RBM34: variants seen among roughly 807,000 people sequenced by gnomAD.
RBM34 encodes RNA binding motif protein 34, also known as RNA-binding protein 34.
Under a neutral mutation model 44.6 loss-of-function variants are expected in RBM34, and 39 were observed. The ratio of observed to expected loss-of-function variants is 0.87; its 90% CI spans 0.68 to 1.14. The LOEUF (loss-of-function observed/expected upper bound fraction) is 1.14, where lower values mean the gene tolerates loss of function less well. Among genes scored for constraint, RBM34 ranks in the 50% most tolerant of loss-of-function variants. The pLI, the probability that RBM34 is intolerant of heterozygous loss-of-function variation, is 0.00. For missense variants in RBM34, 572 were observed against 517.9 expected (o/e 1.10, Z -1.01); for synonymous variants, 194 against 184.0 (o/e 1.05, Z -0.44).
chr1:235,135,817 T>A, intron 9 of RBM34, 47 bp from the exon 10 acceptor site: 1 of 1,515,296 alleles, frequency 6.6e-7, no homozygotes, highest in Non-Finnish European at 9.2e-7. Flanking sequence ...TGGGAGCCCC[T>A]CAGAAACATG....
intron 6 of RBM34, among the ~76,000 whole-genome samples, chr1:235,144,300 A>C (rs1203156782): frequency 1.1e-5 from 1 of 88,608 alleles, no homozygotes; most frequent in Non-Finnish European, 3.0e-5. Context: ...AAACTAACAC[A>C]TAGAGACAGA....
Position 235,159,794 on chromosome 1 carries a change from G to A in RBM34, c.365+717C>T, listed in dbSNP as rs182996064. Among the ~76,000 whole-genome samples, 89 of 150,510 alleles carry A rather than the reference G, an allele frequency of 5.9e-4. 1 individual carries two copies. The highest frequency in any genetic ancestry group is 3.4e-3 in the Middle Eastern group (1 of 294). On this transcript the variant is annotated intron_variant, in intron 3 of 10. Transcript: ENST00000408888. ...GAGGCAGGAAAAATCACTTAAACCC[G>A]GGAGGTGGAGGTTGCAGTGAGCTGA...
intron 3 of RBM34, among the ~76,000 whole-genome samples, chr1:235,155,864 TATAC>T (rs1553275377): frequency 4.9e-5 from 4 of 81,122 alleles, no homozygotes; most frequent in African/African-American, 2.0e-4. Flanking sequence ...TATATATATA[TATAC>T]ATATATACTT....
chr1:235,144,983 C>A (rs1003845225), intron 6 of RBM34, among the ~76,000 whole-genome samples: 1 of 152,140 alleles, frequency 6.6e-6, no homozygotes, highest in Non-Finnish European at 1.5e-5. Flanking sequence ...GCGGAGATTA[C>A]GGTGAGCTGA....
chr1:235,148,577 T>A, intron 5 of RBM34, 130 bp from the exon 6 acceptor site: 40 of 553,332 alleles, frequency 7.2e-5, no homozygotes, highest in Non-Finnish European at 1.1e-4. Flanking sequence ...AATAAACAAA[T>A]CAGAAACAAC....
chr1:235,154,397 A>C (rs1415290469), intron 4 of RBM34, among the ~76,000 whole-genome samples: 1 of 147,222 alleles, frequency 6.8e-6, no homozygotes, highest in Non-Finnish European at 1.5e-5. Context: ...CATAGTCACA[A>C]AAAAAAAAAC....
At chr1:235,146,354 G>A (rs1296756223) in intron 6 of RBM34, among the ~76,000 whole-genome samples, 1 of 152,054 alleles carries the variant, frequency 6.6e-6, no homozygotes, top group Non-Finnish European at 1.5e-5. Context: ...CTAAGAAAAA[G>A]GGCATTTTTA....
intron 4 of RBM34, 104 bp from the exon 5 acceptor site, chr1:235,152,869 GC>G: frequency 1.1e-6 from 1 of 886,194 alleles, no homozygotes; most frequent in Non-Finnish European, 1.6e-6. Flanking sequence ...CTACTGCCAG[GC>G]TTTTTTTTTT....
chr1:235,136,209 T>C, intron 8 of RBM34, 136 bp from the exon 9 acceptor site: 1 of 720,356 alleles, frequency 1.4e-6, no homozygotes, highest in Non-Finnish European at 2.4e-6. Flanking sequence ...ATCATGTTCT[T>C]TGATTCTGTT....
intron 8 of RBM34, 189 bp from the exon 9 acceptor site, chr1:235,136,262 G>A (rs1460594062): frequency 3.2e-6 from 2 of 616,544 alleles, no homozygotes; most frequent in Non-Finnish European, 2.9e-6. Flanking sequence ...TACCAGAGGA[G>A]GGGAGTGACC....
chr1:235,151,843 G>A (rs1394255421), intron 5 of RBM34, among the ~76,000 whole-genome samples: 2 of 152,014 alleles, frequency 1.3e-5, no homozygotes, highest in Non-Finnish European at 2.9e-5. Flanking sequence ...GACCAGTCTG[G>A]ATAACATGGT....
chr1:235,143,985 TCTGGG>T (rs2102840458), intron 6 of RBM34, among the ~76,000 whole-genome samples: 1 of 152,192 alleles, frequency 6.6e-6, no homozygotes, highest in African/African-American at 2.4e-5. Flanking sequence ...TCAGGACCAG[TCTGGG>T]CATTAGTGAC....
chr1:235,154,312 T>C (rs1662302255), intron 4 of RBM34, among the ~76,000 whole-genome samples: 1 of 150,792 alleles, frequency 6.6e-6, no homozygotes, highest in Admixed American at 6.6e-5. Flanking sequence ...TGGCTCATGC[T>C]TGAAGTCCCA....
chr1:235,151,459 T>C (rs1662154554), intron 5 of RBM34, among the ~76,000 whole-genome samples: 1 of 152,118 alleles, frequency 6.6e-6, no homozygotes, highest in South Asian at 2.1e-4. Context: ...CTGACAGAAA[T>C]TATGGGCACT....
At chr1:235,139,742 G>A (rs1029475743) in intron 6 of RBM34, among the ~76,000 whole-genome samples, 9 of 152,232 alleles carry the variant, frequency 5.9e-5, no homozygotes, top group Admixed American at 2.6e-4. Flanking sequence ...CAGAGCTGAA[G>A]TCTTGGGGAA....
Position 235,139,672 on chromosome 1 carries a change from C to G in RBM34, c.702-1498G>C, listed in dbSNP as rs1008184188. Among the ~76,000 whole-genome samples the G allele has an allele frequency of 2.6e-5, 4 of 152,214 alleles. No homozygotes were observed. In the East Asian group the frequency reaches 7.7e-4, roughly 29 times the overall value. Reference sequence around the variant, plus strand: ...AGCCAGAAAGTGCATCACTCCTGCTCTTACCAGTTAAGAAGAAACCAGATA... The same window carrying G: ...AGCCAGAAAGTGCATCACTCCTGCTGTTACCAGTTAAGAAGAAACCAGATA... On this transcript the variant is annotated intron_variant, in intron 6 of 10. Coordinates refer to ENST00000408888, the MANE Select transcript of RBM34 (RefSeq NM_015014.4).
chr1:235,138,428 T>C (rs1039322190), intron 6 of RBM34, among the ~76,000 whole-genome samples: 3 of 152,204 alleles, frequency 2.0e-5, no homozygotes, highest in Non-Finnish European at 4.4e-5. Context: ...AGATGAACCA[T>C]GTATATGAAT....
intron 10 of RBM34, among the ~76,000 whole-genome samples, chr1:235,132,545 A>C (rs567296103): frequency 6.6e-6 from 1 of 152,168 alleles, no homozygotes; most frequent in East Asian, 1.9e-4. Context: ...TTGACCTTGT[A>C]ATCTGCCCAC....
At position 235,131,499 on chromosome 1, in the gene RBM34, A is replaced by T. The variant is rs181031606; in HGVS notation, c.*214T>A. 728 of 511,944 alleles carry T rather than the reference A, an allele frequency of 1.4e-3. 3 individuals carry two copies. The highest frequency in any genetic ancestry group is 3.4e-4 in the Non-Finnish European group (104 of 305,044). 31.7% of individuals were successfully genotyped at this position (511,944 alleles called of 1,614,324 possible). A position where few individuals can be genotyped will look rare whatever the true frequency, so the allele number is the denominator to read the frequency against. ...CTCCAGCCTGGGAGACAACAGCCAA[A>T]CTCCATCTCAAAAAACAAAACAAAA... On this transcript the variant is annotated 3_prime_UTR_variant, in exon 11 of 11. Transcript: ENST00000408888.
Sources: gnomAD v4.1 joint callset for allele counts (sites outside exome capture counted in the v4.1 genomes callset) on GRCh38, gnomAD v4.1.1 for gene constraint, MANE v1.5 for transcripts, NCBI Gene and HGNC (gene_info 2026-07-23, HGNC 2026-07-21) for gene names.